The following FUT9 variants were observed in gnomAD, a reference collection of about 807,000 sequenced individuals.
FUT9 encodes the protein 4-galactosyl-N-acetylglucosaminide 3-alpha-L-fucosyltransferase 9.
FUT9 carries 15 observed loss-of-function variants against 29.7 expected under a neutral mutation model. The ratio of observed to expected loss-of-function variants is 0.51; its 90% confidence interval spans 0.34 to 0.78. The LOEUF (loss-of-function observed/expected upper bound fraction) is 0.78. Ranked by LOEUF, FUT9 falls within the 30% of genes least tolerant of loss-of-function variation. The probability of loss-of-function intolerance (pLI) is 0.01; values close to 1 mark genes in which losing one functional copy is unlikely to be tolerated. For synonymous variants in FUT9, 169 were observed against 153.7 expected (o/e 1.10, Z -0.74); for missense variants, 319 against 425.4 (o/e 0.75, Z 2.20).
chr6:96,127,605 C>A (rs1158883048), intron 2 of FUT9, among the ~76,000 whole-genome samples: 1 of 152,102 alleles, frequency 6.6e-6, no homozygotes, highest in East Asian at 1.9e-4. Context: ...TTTGAGAAAT[C>A]CCCAAACTGC....
intron 2 of FUT9, among the ~76,000 whole-genome samples, chr6:96,121,787 A>G (rs1449265920): frequency 6.6e-6 from 1 of 152,110 alleles, no homozygotes; most frequent in Non-Finnish European, 1.5e-5. Context: ...CATGTCATTT[A>G]AATCCCCCAA....
intron 1 of FUT9, among the ~76,000 whole-genome samples, chr6:96,076,335 T>G (rs184902766): frequency 1.4e-4 from 22 of 152,324 alleles, no homozygotes; most frequent in Admixed American, 1.4e-3. Context: ...GCAAGTTCAC[T>G]TGATAGACAG....
At position 96,095,905 on chromosome 6, in the gene FUT9, C is replaced by A. The variant is rs533476531; in HGVS notation, c.-97-18134C>A. The stretch of plus-strand genomic sequence containing the variant: ...GGTAAAAATAGGGATTATAGCAGTA[C>A]CTCAGTCATAGAACTGTTGTCATAT... On this transcript the variant is annotated intron_variant, in intron 1 of 2. Transcript: ENST00000302103. Among the ~76,000 whole-genome samples the A allele has an allele frequency of 5.6e-4, 86 of 152,236 alleles. 1 individual carries two copies. The Middle Eastern group carries it at 0.027, about 48-fold the overall frequency.
chr6:96,189,237 T>G (rs1213219911), intron 2 of FUT9, among the ~76,000 whole-genome samples: 1 of 152,068 alleles, frequency 6.6e-6, no homozygotes, highest in South Asian at 2.1e-4. Context: ...TGAGGGCTGG[T>G]GGAGCAGCTC....
At chr6:96,185,832 T>G (rs1468160749) in intron 2 of FUT9, among the ~76,000 whole-genome samples, 2 of 152,138 alleles carry the variant, frequency 1.3e-5, no homozygotes, top group Non-Finnish European at 2.9e-5. Flanking sequence ...AACTAAATAT[T>G]CACAAGATTG....
intron 1 of FUT9, among the ~76,000 whole-genome samples, chr6:96,041,852 G>A (rs1472825122): frequency 1.3e-5 from 2 of 152,056 alleles, no homozygotes; most frequent in African/African-American, 2.4e-5. Context: ...TTATTGAAGG[G>A]TAGTGTTTTT....
At chr6:96,068,893 G>T (rs1309284006) in intron 1 of FUT9, among the ~76,000 whole-genome samples, 2 of 152,114 alleles carry the variant, frequency 1.3e-5, no homozygotes, top group African/African-American at 4.8e-5. Context: ...AAGTAAAATT[G>T]TGAAGTCAGA....
intron 1 of FUT9, among the ~76,000 whole-genome samples, chr6:96,030,976 G>A (rs1770250740): frequency 6.6e-6 from 1 of 151,544 alleles, no homozygotes; most frequent in African/African-American, 2.4e-5. Context: ...AGATTTTGGA[G>A]GTGATGGAAC....
At chr6:96,091,405 A>G (rs1344912130) in intron 1 of FUT9, among the ~76,000 whole-genome samples, 1 of 152,114 alleles carries the variant, frequency 6.6e-6, no homozygotes, top group Non-Finnish European at 1.5e-5. Flanking sequence ...AAGAAGACTA[A>G]TGAGTCAATA....
chr6:96,094,732 A>G (rs1771467387), intron 1 of FUT9, among the ~76,000 whole-genome samples: 1 of 152,140 alleles, frequency 6.6e-6, no homozygotes, highest in African/African-American at 2.4e-5. Flanking sequence ...ATACCTGAAT[A>G]GGGAAGCTAT....
intron 2 of FUT9, among the ~76,000 whole-genome samples, chr6:96,197,308 C>T (rs547936081): frequency 6.6e-5 from 10 of 152,224 alleles, no homozygotes; most frequent in African/African-American, 2.4e-4. Context: ...TTGGTGGCAA[C>T]TTCCTCAGGG....
At chr6:96,118,271 T>A (rs975836203) in intron 2 of FUT9, among the ~76,000 whole-genome samples, 1 of 151,716 alleles carries the variant, frequency 6.6e-6, no homozygotes, top group Non-Finnish European at 1.5e-5. Context: ...TTCTGTTATA[T>A]TGGACACACA....
intron 2 of FUT9, among the ~76,000 whole-genome samples, chr6:96,190,785 GGTT>G (rs1001909685): frequency 9.9e-4 from 150 of 152,190 alleles, no homozygotes; most frequent in African/African-American, 3.4e-3. Context: ...TCTCTACACT[GGTT>G]ATTCTAGTTA....
At chr6:96,108,925 G>C (rs1771745563) in intron 1 of FUT9, among the ~76,000 whole-genome samples, 1 of 152,064 alleles carries the variant, frequency 6.6e-6, no homozygotes, top group South Asian at 2.1e-4. Flanking sequence ...GGCAGAGAGA[G>C]AGTGTTAGGA....
intron 1 of FUT9, among the ~76,000 whole-genome samples, chr6:96,084,192 G>C (rs1472390271): frequency 6.6e-6 from 1 of 152,050 alleles, no homozygotes; most frequent in African/African-American, 2.4e-5. Flanking sequence ...CTAAAAGTCA[G>C]ACTGTCTAGA....
intron 1 of FUT9, among the ~76,000 whole-genome samples, chr6:96,112,949 T>A (rs1771837416): frequency 6.6e-6 from 1 of 152,220 alleles, no homozygotes; most frequent in Non-Finnish European, 1.5e-5. Context: ...ATCATGTATG[T>A]TGGCTGACAC....
At chr6:96,082,940 T>C (rs958254701) in intron 1 of FUT9, among the ~76,000 whole-genome samples, 1 of 152,020 alleles carries the variant, frequency 6.6e-6, no homozygotes, top group African/African-American at 2.4e-5. Flanking sequence ...CCATAAGGGA[T>C]ATATTTTCTG....
chr6:96,032,215 C>T (rs1218240330), intron 1 of FUT9, among the ~76,000 whole-genome samples: 2 of 151,492 alleles, frequency 1.3e-5, no homozygotes, highest in African/African-American at 2.4e-5. Context: ...CCGGAGGAGT[C>T]GTACTTATTT....
At chr6:96,169,001 T>C (rs1773063681) in intron 2 of FUT9, among the ~76,000 whole-genome samples, 1 of 151,896 alleles carries the variant, frequency 6.6e-6, no homozygotes, top group East Asian at 1.9e-4. Context: ...CAGAAGGGAG[T>C]AGAAGCATAT....
Sources: gnomAD v4.1 joint callset for allele counts (sites outside exome capture counted in the v4.1 genomes callset) on GRCh38, gnomAD v4.1.1 for gene constraint, MANE v1.5 for transcripts, NCBI Gene and HGNC (gene_info 2026-07-23, HGNC 2026-07-21) for gene names.